Variants in MCF2L observed in about 807,000 individuals in gnomAD.
MCF2L encodes MCF.2 cell line derived transforming sequence like.
In MCF2L, 97 loss-of-function variants were observed where a neutral mutation model predicts 153.4. That is an observed-to-expected ratio of 0.63 (90% CI 0.54 to 0.75). The LOEUF is 0.75. MCF2L is among the 30% of genes least tolerant of loss of function. The pLI, the probability that MCF2L is intolerant of heterozygous loss-of-function variation, is 0.00. For synonymous variants in MCF2L, 659 were observed against 632.2 expected (o/e 1.04, Z -0.64); for missense variants, 1,347 against 1,495.2 (o/e 0.90, Z 1.64).
chr13:113,015,296 C>T (rs1594665233), intron 2 of MCF2L, among the ~76,000 whole-genome samples: 1 of 152,234 alleles, frequency 6.6e-6, no homozygotes, highest in Non-Finnish European at 1.5e-5. Flanking sequence ...TAATGAGGCT[C>T]CCAGCACCCC....
At chr13:113,021,327 T>C (rs1402566849) in intron 2 of MCF2L, among the ~76,000 whole-genome samples, 4 of 140,954 alleles carry the variant, frequency 2.8e-5, no homozygotes, top group Non-Finnish European at 3.1e-5. Flanking sequence ...TATCTCACAC[T>C]AAAGCAGATC....
chr13:112,953,629 T>C (rs2081721551), intron 2 of MCF2L, among the ~76,000 whole-genome samples: 1 of 152,130 alleles, frequency 6.6e-6, no homozygotes, highest in Non-Finnish European at 1.5e-5. Context: ...TGGCCGGTGG[T>C]TCTAGAGGCC....
chr13:112,967,170 C>T (rs1310788080), upstream of MCF2L, among the ~76,000 whole-genome samples: 1 of 24,790 alleles, frequency 4.0e-5, no homozygotes, highest in African/African-American at 1.6e-4. Context: ...GCTGGAGGGG[C>T]AGGGTTGGGG....
At chr13:113,093,011 C>T (rs1366226493) in intron 26 of MCF2L, among the ~76,000 whole-genome samples, 1 of 152,254 alleles carries the variant, frequency 6.6e-6, no homozygotes, top group Non-Finnish European at 1.5e-5. Context: ...TGTGCACACA[C>T]AGCAGCCCCC....
upstream of MCF2L, chr13:112,968,097 A>C: frequency 5.3e-6 from 1 of 186,990 alleles, no homozygotes; most frequent in Non-Finnish European, 9.9e-6. Context: ...TCCTGCTGGA[A>C]TTCTCTCTCT....
rs1338175493 is a variant in MCF2L, at chr13:113,075,111, T to C, written c.1230T>C (p.Cys410=). 6.2e-7 allele frequency: 1 copy of C among 1,613,614 alleles called. No homozygotes were observed. The highest frequency in any genetic ancestry group is 1.1e-5 in the South Asian group (1 of 91,086). ...RPKCQELRHL[C]DQFSAEIARR... is the part of the protein sequence containing the mutation. ...AGTGCCAGGAGCTCCGGCACCTCTG[T>C]GACCAGTTCTCTGCGGAGATCGCAA... The change falls in exon 11 of 30, where the codon TGT becomes TGC. Residue 410 remains cysteine, a synonymous_variant. Coordinates refer to ENST00000535094, the MANE Select transcript of MCF2L (RefSeq NM_001112732.3).
At chr13:113,076,272 T>A (rs2033467104) in intron 12 of MCF2L, 115 bp downstream of exon 12, 1 of 531,760 alleles carries the variant, frequency 1.9e-6, no homozygotes, top group Non-Finnish European at 2.7e-6. Flanking sequence ...TTTATTATTA[T>A]TTTTTTTTTG....
chr13:112,945,349 G>A (rs931187244), intron 2 of MCF2L, among the ~76,000 whole-genome samples: 1 of 152,182 alleles, frequency 6.6e-6, no homozygotes, highest in Non-Finnish European at 1.5e-5. Context: ...AATGCAAGAA[G>A]TTATAATAAC....
intron 4 of MCF2L, among the ~76,000 whole-genome samples, chr13:113,060,299 T>TG (rs2031167405): frequency 6.6e-6 from 1 of 152,218 alleles, no homozygotes; most frequent in Non-Finnish European, 1.5e-5. Context: ...CATCATAATT[T>TG]GGGGGGACAC....
chr13:112,975,869 T>A (rs2993276), intron 1 of MCF2L, among the ~76,000 whole-genome samples: 66,253 of 151,960 alleles, frequency 0.44, 15,305 homozygotes, highest in African/African-American at 0.59. Flanking sequence ...CGCAGAGAGC[T>A]CGAGCCCGGG....
chr13:112,903,726 G>A (rs1424985048), intron 2 of MCF2L, among the ~76,000 whole-genome samples: 1 of 152,206 alleles, frequency 6.6e-6, no homozygotes, highest in African/African-American at 2.4e-5. Flanking sequence ...CGAATGAGAG[G>A]TGAGGACTGA....
At chr13:113,084,845 G>A (rs375680011) in intron 18 of MCF2L, 47 bp from the exon 19 acceptor site, 11 of 1,437,894 alleles carry the variant, frequency 7.7e-6, no homozygotes, top group Non-Finnish European at 9.8e-6. Context: ...CGCGTGATGC[G>A]CTGCCCATCC....
upstream of MCF2L, chr13:112,969,137 C>A (rs536978565): frequency 1.1e-4 from 31 of 292,748 alleles, no homozygotes; most frequent in South Asian, 4.0e-3. This position sits in a 1 kb window ranked among gnomAD's most constrained non-coding sequence, Gnocchi z 4.8. Flanking sequence ...CACACCGGGG[C>A]GGGCGCGCGC....
chr13:113,081,866 T>A (rs2034169201), intron 16 of MCF2L, among the ~76,000 whole-genome samples: 1 of 151,872 alleles, frequency 6.6e-6, no homozygotes, highest in Admixed American at 6.6e-5. Context: ...GGTGTCTGAT[T>A]CACCGAGTGT....
At chr13:113,050,044 A>G (rs2087107784) in intron 4 of MCF2L, among the ~76,000 whole-genome samples, 1 of 116,774 alleles carries the variant, frequency 8.6e-6, no homozygotes, top group African/African-American at 3.2e-5. Context: ...AGATCCTCTG[A>G]GAACTCACGT....
intron 21 of MCF2L, among the ~76,000 whole-genome samples, chr13:113,086,712 C>T (rs1466872456): frequency 6.6e-6 from 1 of 152,098 alleles, no homozygotes; most frequent in Admixed American, 6.5e-5. Flanking sequence ...TTTTGTCCGT[C>T]TTTATGTCCA....
chr13:113,021,282 C>CTGTGTGTAGCTGTGTG (rs6145251), intron 2 of MCF2L, among the ~76,000 whole-genome samples: 71,264 of 151,514 alleles, frequency 0.47, 16,853 homozygotes, highest in South Asian at 0.67. Context: ...GTATAGGTAG[C>CTGTGTGTAGCTGTGTG]TGTGTGTAGC....
At chr13:112,898,302 C>T (rs538592931) in intron 1 of MCF2L, among the ~76,000 whole-genome samples, 4 of 152,366 alleles carry the variant, frequency 2.6e-5, no homozygotes, top group East Asian at 1.9e-4. Context: ...AGGTGCTCCA[C>T]GGCCTCTGGG....
chr13:113,017,557 G>A (rs2084610270), intron 2 of MCF2L, among the ~76,000 whole-genome samples: 1 of 152,274 alleles, frequency 6.6e-6, no homozygotes, highest in Admixed American at 6.5e-5. Flanking sequence ...GGGACAGGGA[G>A]TGGACGTGCC....
Sources: gnomAD v4.1 joint callset for allele counts (sites outside exome capture counted in the v4.1 genomes callset) on GRCh38, gnomAD v4.1.1 for gene constraint, Gnocchi (gnomAD v3.1) non-coding constraint, MANE v1.5 for transcripts, NCBI Gene and HGNC (gene_info 2026-07-23, HGNC 2026-07-21) for gene names.